Variants in SEMA3A observed in about 807,000 individuals in gnomAD.
SEMA3A encodes the protein semaphorin-3A.
SEMA3A carries 29 observed loss-of-function variants against 97.9 expected under a neutral mutation model. The ratio of observed to expected loss-of-function variants is 0.30; its 90% CI spans 0.22 to 0.40. The LOEUF is 0.40. Ranked by LOEUF, SEMA3A falls within the 10% of genes least tolerant of loss-of-function variation. The pLI is 1.00. For synonymous variants in SEMA3A, 321 were observed against 323.7 expected (o/e 0.99, Z 0.09); for missense variants, 763 against 951.3 (o/e 0.80, Z 2.60).
chr7:84,382,756 T>A (rs185896202), intron 1 of SEMA3A, among the ~76,000 whole-genome samples: 24 of 148,596 alleles, frequency 1.6e-4, no homozygotes, highest in African/African-American at 2.7e-4. Context: ...TGGGTGCCTG[T>A]AGTTCCAGCT....
intron 5 of SEMA3A, among the ~76,000 whole-genome samples, chr7:84,047,903 G>A (rs1188831603): frequency 6.6e-6 from 1 of 151,820 alleles, no homozygotes; most frequent in Non-Finnish European, 1.5e-5. Flanking sequence ...TCCTTTGGTA[G>A]AACCTTTGTC....
chr7:83,965,651 TATATATATATATATA>T (rs1381651931), intron 15 of SEMA3A, among the ~76,000 whole-genome samples: 393 of 13,314 alleles, frequency 0.03, 19 homozygotes, highest in Non-Finnish European at 0.046. Context: ...TATATATATA[TATATATATATATATA>T]TTTTTTTTTT....
chr7:84,410,382 C>T lies in SEMA3A; in HGVS notation c.-245-38482G>A, dbSNP rs976461356. ...ACATTCTTTTAATGTCAGCCTCATG[C>T]CTACATGGCTATGTTTTCTACTATT... On this transcript the variant is annotated intron_variant, in intron 1 of 3. Coordinates refer to the SEMA3A transcript ENST00000424555. 6.6e-5 allele frequency among the ~76,000 whole-genome samples: 10 copies of T among 152,148 alleles called. 2 individuals are homozygous for T. Among genetic ancestry groups the T allele is most frequent in the Admixed American group, 6.6e-5 (1 of 15,242 alleles).
intron 6 of SEMA3A, among the ~76,000 whole-genome samples, chr7:84,026,993 TAAAATA>T (rs1791571262): frequency 6.6e-6 from 1 of 151,736 alleles, no homozygotes; most frequent in African/African-American, 2.4e-5. Flanking sequence ...CCCCCAAACC[TAAAATA>T]AAAGTTAAAA....
chr7:83,986,559 T>G (rs1789641020), intron 12 of SEMA3A, among the ~76,000 whole-genome samples: 1 of 152,164 alleles, frequency 6.6e-6, no homozygotes, highest in Admixed American at 6.5e-5. Flanking sequence ...TGCAGTTCAT[T>G]CAAGACAAAC....
chr7:84,185,332 T>G lies in SEMA3A; in HGVS notation c.112+9143A>C, dbSNP rs147757053. ...ATATATTATCAAATATTTCCAGACT[T>G]GTTGTGAAGACTTTATTCACAACTT... On this transcript the variant is annotated intron_variant, in intron 1 of 16. Transcript: ENST00000265362. 3.9e-3 allele frequency among the ~76,000 whole-genome samples: 594 copies of G among 152,162 alleles called. 3 individuals carry two copies. The highest frequency in any genetic ancestry group is 0.014 in the African/African-American group (576 of 41,528).
chr7:84,260,446 T>A (rs116218814), intron 3 of SEMA3A, among the ~76,000 whole-genome samples: 4,975 of 149,426 alleles, frequency 0.033, 95 homozygotes, highest in South Asian at 0.047. Context: ...CCAAGCTCAG[T>A]CACAGATGCC....
chr7:84,128,148 A>G (rs1795857538), intron 3 of SEMA3A, among the ~76,000 whole-genome samples: 1 of 152,140 alleles, frequency 6.6e-6, no homozygotes, highest in Non-Finnish European at 1.5e-5. Context: ...AAACCATTGT[A>G]GGGATTGCTT....
intron 3 of SEMA3A, among the ~76,000 whole-genome samples, chr7:84,218,111 T>G (rs1036861805): frequency 6.6e-6 from 1 of 152,126 alleles, no homozygotes; most frequent in Admixed American, 6.6e-5. Flanking sequence ...AGAAAAAATC[T>G]TAAATGTTAC....
At chr7:84,404,528 C>A (rs1327903890) in intron 1 of SEMA3A, among the ~76,000 whole-genome samples, 1 of 152,074 alleles carries the variant, frequency 6.6e-6, no homozygotes, top group African/African-American at 2.4e-5. Flanking sequence ...AATTCAAATT[C>A]AGGAAACACA....
At chr7:83,982,556 T>C (rs1789458011) in intron 13 of SEMA3A, among the ~76,000 whole-genome samples, 1 of 152,142 alleles carries the variant, frequency 6.6e-6, no homozygotes, top group Admixed American at 6.6e-5. Context: ...ATTCAATAAT[T>C]ATAGTAAGCC....
intron 4 of SEMA3A, among the ~76,000 whole-genome samples, chr7:84,093,809 G>T (rs1206091500): frequency 6.6e-6 from 1 of 151,874 alleles, no homozygotes; most frequent in African/African-American, 2.4e-5. Context: ...GTTGGAAGGA[G>T]AGCATCAGGA....
chr7:83,991,602 C>G (rs1332388784), intron 12 of SEMA3A, among the ~76,000 whole-genome samples: 4 of 151,916 alleles, frequency 2.6e-5, no homozygotes, highest in African/African-American at 9.7e-5. Context: ...CTTTGGCTCT[C>G]TTTATATGCT....
intron 1 of SEMA3A, among the ~76,000 whole-genome samples, chr7:84,490,374 T>C (rs1806691910): frequency 6.6e-6 from 1 of 152,110 alleles, no homozygotes; most frequent in Non-Finnish European, 1.5e-5. Context: ...TACGTGTGTA[T>C]ATTCACTTGC....
At chr7:84,060,775 G>C (rs1196795294) in intron 4 of SEMA3A, among the ~76,000 whole-genome samples, 1 of 152,164 alleles carries the variant, frequency 6.6e-6, no homozygotes, top group Non-Finnish European at 1.5e-5. Context: ...TTTAGTAGCA[G>C]TTAGCACGTT....
In SEMA3A at chr7:84,007,025, A is replaced by G. The variant is rs138209431; in HGVS notation, c.1140+328T>C. On this transcript the variant is annotated intron_variant, in intron 10 of 16. Transcript: ENST00000265362. ...AGACACAATAAAATGTATTTTCATG[A>G]GATTGAAAATTATTTCTGCACTTCT... Among the ~76,000 whole-genome samples the G allele has an allele frequency of 3.3e-4, 50 of 152,284 alleles. No homozygotes were observed. In the East Asian group the frequency reaches 8.9e-3, roughly 27 times the overall value.
intron 1 of SEMA3A, among the ~76,000 whole-genome samples, chr7:84,463,400 C>T (rs969851318): frequency 6.6e-6 from 1 of 151,684 alleles, no homozygotes; most frequent in Non-Finnish European, 1.5e-5. Context: ...AGGCACCTGC[C>T]ACCACGCCCG....
At position 83,961,192 on chromosome 7, in the gene SEMA3A, A is replaced by G. The variant is rs2116244034; in HGVS notation, c.*179T>C. ...GTTAGGTGGTGGTATTAGGAAAAAA[A>G]GCCTATTAGGAAAGTTACTCATGGA... On this transcript the variant is annotated 3_prime_UTR_variant, in exon 17 of 17. Transcript: ENST00000265362. 1.6e-6 allele frequency: 1 copy of G among 609,650 alleles called. No individual in the cohort carries two copies. Among genetic ancestry groups the G allele is most frequent in the East Asian group, 2.8e-5 (1 of 35,954 alleles). The allele number at this position is 609,650 out of a possible 1,614,324, so 37.8% of individuals were successfully genotyped here. A position where few individuals can be genotyped will look rare whatever the true frequency, so the allele number is the denominator to read the frequency against.
rs1376844172 is a variant in SEMA3A at position 83,960,504 on chromosome 7, T to C, written c.*867A>G. The C allele has an allele frequency of 6.6e-6, 1 of 152,484 alleles. No homozygotes were observed. The highest frequency in any genetic ancestry group is 1.9e-4 in the East Asian group (1 of 5,190). The allele number at this position is 152,484 out of a possible 1,614,324, so 9.4% of individuals were successfully genotyped here. The stretch of plus-strand genomic sequence containing the variant: ...TCTCAGAGAAATAAAGCATAATTTA[T>C]ATCCTGGTTTTAGAGATTCACTCTT... On this transcript the variant is annotated 3_prime_UTR_variant, in exon 17 of 17. Transcript: ENST00000265362.
Sources: gnomAD v4.1 joint callset for allele counts (sites outside exome capture counted in the v4.1 genomes callset) on GRCh38, gnomAD v4.1.1 for gene constraint, MANE v1.5 for transcripts, NCBI Gene and HGNC (gene_info 2026-07-23, HGNC 2026-07-21) for gene names.